Variants in UBAC2 observed in about 807,000 individuals in gnomAD.
UBAC2 encodes the protein ubiquitin-associated domain-containing protein 2.
UBAC2 carries 26 observed loss-of-function variants against 44.0 expected under a neutral mutation model. That is an observed-to-expected ratio of 0.59 (90% CI 0.43 to 0.82). The LOEUF (loss-of-function observed/expected upper bound fraction) is 0.82. Among genes scored for constraint, UBAC2 ranks in the 40% least tolerant of loss-of-function variants. The pLI, the probability that UBAC2 is intolerant of heterozygous loss-of-function variation, is 0.00. For synonymous variants in UBAC2, 155 were observed against 154.3 expected (o/e 1.00, Z -0.04); for missense variants, 329 against 419.4 (o/e 0.78, Z 1.88).
At chr13:99,357,889 A>G (rs1244826501) in intron 7 of UBAC2, among the ~76,000 whole-genome samples, 1 of 152,202 alleles carries the variant, frequency 6.6e-6, no homozygotes, top group Non-Finnish European at 1.5e-5. Context: ...GTCTTTGTCC[A>G]TTCAGTTATC....
In UBAC2 at chr13:99,238,408, C is replaced by A. The variant is rs1566461559; in HGVS notation, c.32-19C>A. The A allele has an allele frequency of 6.2e-7, 1 of 1,609,674 alleles. No individual in the cohort carries two copies. ...CTTAGGAACAATCATTCTGAAAGTG[C>A]TTTCCTTTTTCCCTCCAGACAAGGC... On this transcript the variant is annotated intron_variant, in intron 1 of 8. Coordinates refer to ENST00000403766, the MANE Select transcript of UBAC2 (RefSeq NM_001144072.2).
chr13:99,327,097 G>T (rs1028234086), intron 6 of UBAC2, among the ~76,000 whole-genome samples: 2 of 152,074 alleles, frequency 1.3e-5, no homozygotes, highest in Non-Finnish European at 2.9e-5. Flanking sequence ...TATTTAACTG[G>T]TCCTCTCTCC....
intron 4 of UBAC2, chr13:99,256,040 T>C: frequency 1.7e-6 from 1 of 602,246 alleles, no homozygotes; most frequent in Non-Finnish European, 2.8e-6. Context: ...TTCAACTGGT[T>C]AACTACTGAA....
Position 99,362,857 on chromosome 13 carries a change from T to TA in UBAC2, c.808-4928dup, listed in dbSNP as rs533889850. ...CTGTAGTTTGTCTTATTTAATTCAG[T>TA]AACAATTGAACTTTTAATACAAAAG... On this transcript the variant is annotated intron_variant, in intron 7 of 8. Transcript: ENST00000403766. Among the ~76,000 whole-genome samples, 32 of 152,338 alleles carry TA rather than the reference T, an allele frequency of 2.1e-4. 1 individual carries two copies. The East Asian group carries it at 3.7e-3, about 17-fold the overall frequency.
At chr13:99,210,323 TCTG>T (rs1197076098) in intron 1 of UBAC2, among the ~76,000 whole-genome samples, 2 of 152,204 alleles carry the variant, frequency 1.3e-5, no homozygotes, top group East Asian at 3.8e-4. Flanking sequence ...TTTTGGTGTT[TCTG>T]CTGTTTTTCC....
intron 1 of UBAC2, among the ~76,000 whole-genome samples, chr13:99,235,396 T>A (rs2043221834): frequency 6.6e-6 from 1 of 152,008 alleles, no homozygotes; most frequent in Admixed American, 6.6e-5. Context: ...TCTCAAAATA[T>A]CAATGACATT....
At chr13:99,327,120 A>T (rs2044650471) in intron 6 of UBAC2, among the ~76,000 whole-genome samples, 2 of 152,218 alleles carry the variant, frequency 1.3e-5, no homozygotes, top group African/African-American at 4.8e-5. Flanking sequence ...GCTTGGTTAA[A>T]AACTCAGCTT....
intron 6 of UBAC2, among the ~76,000 whole-genome samples, chr13:99,338,520 C>G (rs967240063): frequency 6.6e-6 from 1 of 152,178 alleles, no homozygotes; most frequent in Non-Finnish European, 1.5e-5. Flanking sequence ...TTATATGCTG[C>G]TTATATGCAG....
chr13:99,317,837 A>G (rs1336475852), intron 5 of UBAC2, among the ~76,000 whole-genome samples, 185 bp from the exon 6 acceptor site: 1 of 152,190 alleles, frequency 6.6e-6, no homozygotes, highest in Non-Finnish European at 1.5e-5. Flanking sequence ...AATAAAAAAA[A>G]TTAATATATA....
intron 6 of UBAC2, among the ~76,000 whole-genome samples, chr13:99,328,649 A>G (rs1397278211): frequency 6.6e-6 from 1 of 152,106 alleles, no homozygotes; most frequent in Non-Finnish European, 1.5e-5. Context: ...CTTTTGTGAA[A>G]TATCTGTTCA....
chr13:99,245,189 T>C (rs924935829), intron 4 of UBAC2, among the ~76,000 whole-genome samples: 1 of 152,230 alleles, frequency 6.6e-6, no homozygotes, highest in Non-Finnish European at 1.5e-5. Flanking sequence ...GTGAATTTCC[T>C]ATTCTGATCC....
intron 7 of UBAC2, among the ~76,000 whole-genome samples, chr13:99,353,823 CTG>C (rs2045134196): frequency 6.6e-6 from 1 of 152,152 alleles, no homozygotes; most frequent in African/African-American, 2.4e-5. Flanking sequence ...CTCAGGAAAA[CTG>C]AGACCCTCGA....
At chr13:99,313,206 C>G (rs7358919) in intron 4 of UBAC2, 108,012 of 151,936 alleles carry the variant, frequency 0.71, 39,953 homozygotes, top group Non-Finnish European at 0.82. Flanking sequence ...GGATGGTCTC[C>G]ATCTCCTGAC....
At chr13:99,257,448 A>C (rs1470243033) in intron 4 of UBAC2, among the ~76,000 whole-genome samples, 1 of 152,182 alleles carries the variant, frequency 6.6e-6, no homozygotes, top group Non-Finnish European at 1.5e-5. Flanking sequence ...TTGTGACATA[A>C]GTCCTGTACT....
chr13:99,303,797 A>G (rs2044290800), intron 4 of UBAC2, among the ~76,000 whole-genome samples: 1 of 152,168 alleles, frequency 6.6e-6, no homozygotes, highest in Non-Finnish European at 1.5e-5. Context: ...ATTAAATATC[A>G]TTATTTTATG....
chr13:99,334,087 C>T (rs2138814789), intron 6 of UBAC2, among the ~76,000 whole-genome samples: 1 of 152,232 alleles, frequency 6.6e-6, no homozygotes, highest in South Asian at 2.1e-4. Flanking sequence ...TCTGGGACTA[C>T]AGGCATGCAC....
chr13:99,369,847 C>T (rs1203379725), intron 8 of UBAC2, among the ~76,000 whole-genome samples: 1 of 152,162 alleles, frequency 6.6e-6, no homozygotes, highest in Non-Finnish European at 1.5e-5. Flanking sequence ...GTAACATATG[C>T]AGTTACAATC....
At chr13:99,337,688 C>T (rs900273952) in intron 6 of UBAC2, among the ~76,000 whole-genome samples, 1 of 152,168 alleles carries the variant, frequency 6.6e-6, no homozygotes, top group Non-Finnish European at 1.5e-5. Flanking sequence ...TGCTGACAGC[C>T]GCATGAGATG....
intron 4 of UBAC2, among the ~76,000 whole-genome samples, chr13:99,270,950 A>G (rs2043807609): frequency 1.3e-5 from 2 of 152,336 alleles, no homozygotes; most frequent in Admixed American, 1.3e-4. Flanking sequence ...CATATTTTAC[A>G]AGAGCAATCG....
Sources: gnomAD v4.1 joint callset for allele counts (sites outside exome capture counted in the v4.1 genomes callset) on GRCh38, gnomAD v4.1.1 for gene constraint, MANE v1.5 for transcripts, NCBI Gene and HGNC (gene_info 2026-07-23, HGNC 2026-07-21) for gene names.